SOX5: variants seen among roughly 807,000 people sequenced by gnomAD.
SOX5 encodes the protein SRY-box transcription factor 5.
SOX5 carries 9 observed loss-of-function variants against 92.0 expected under a neutral mutation model. The ratio of observed to expected loss-of-function variants is 0.10; its 90% CI spans 0.06 to 0.17. The LOEUF is 0.17. SOX5 is among the 10% of genes least tolerant of loss of function. The pLI, the probability that SOX5 is intolerant of heterozygous loss-of-function variation, is 1.00. For synonymous variants in SOX5, 344 were observed against 336.3 expected, an observed-to-expected ratio of 1.02 and a Z score of -0.25; for missense variants, 642 against 944.5, an observed-to-expected ratio of 0.68 and a Z score of 4.20.
chr12:24,074,455 T>G (rs889408865), intron 4 of SOX5, among the ~76,000 whole-genome samples: 1 of 151,908 alleles, frequency 6.6e-6, no homozygotes, highest in Non-Finnish European at 1.5e-5. Context: ...TTAAATATAG[T>G]TAAACATTGC....
intron 1 of SOX5, among the ~76,000 whole-genome samples, chr12:24,537,003 A>AT (rs1399054368): frequency 6.6e-6 from 1 of 152,162 alleles, no homozygotes; most frequent in African/African-American, 2.4e-5. Flanking sequence ...TTCCGTGTGC[A>AT]TTTTTACTCT....
chr12:23,943,730 G>A (rs186911903), intron 1 of SOX5, among the ~76,000 whole-genome samples: 10 of 152,182 alleles, frequency 6.6e-5, no homozygotes, highest in East Asian at 1.9e-4. Flanking sequence ...ACAATGAGCC[G>A]AGTTCAGGTT....
At chr12:23,709,636 T>C (rs1411735263) in intron 6 of SOX5, among the ~76,000 whole-genome samples, 1 of 152,192 alleles carries the variant, frequency 6.6e-6, no homozygotes, top group Non-Finnish European at 1.5e-5. Flanking sequence ...GGTTTTATTA[T>C]AGTAATAATT....
chr12:23,562,845 C>T (rs1946452899), intron 11 of SOX5, among the ~76,000 whole-genome samples: 1 of 152,154 alleles, frequency 6.6e-6, no homozygotes. Flanking sequence ...AGCTCAGGAT[C>T]CTAAATACTT....
intron 4 of SOX5, among the ~76,000 whole-genome samples, chr12:24,051,350 T>C (rs1274953862): frequency 6.6e-6 from 1 of 152,146 alleles, no homozygotes; most frequent in Non-Finnish European, 1.5e-5. Flanking sequence ...ACAATCGAGA[T>C]AGTCTAGTAC....
chr12:23,973,160 CTTTTTT>C (rs60609193), intron 4 of SOX5, among the ~76,000 whole-genome samples: 2 of 111,998 alleles, frequency 1.8e-5, no homozygotes, highest in South Asian at 5.6e-4. Flanking sequence ...TAACTTTTTT[CTTTTTT>C]TTTTTTTTTT....
intron 4 of SOX5, among the ~76,000 whole-genome samples, chr12:24,127,953 C>G (rs1949274233): frequency 6.6e-6 from 1 of 152,190 alleles, no homozygotes; most frequent in Non-Finnish European, 1.5e-5. Context: ...GGGCAGATAC[C>G]TAGCACAGCC....
intron 1 of SOX5, among the ~76,000 whole-genome samples, chr12:23,944,805 G>T (rs1463376301): frequency 2.0e-5 from 3 of 152,112 alleles, no homozygotes; most frequent in Admixed American, 6.6e-5. Flanking sequence ...GATATTTCAT[G>T]GTTGGGTTAA....
intron 9 of SOX5, among the ~76,000 whole-genome samples, chr12:23,599,450 T>G (rs752683): frequency 0.24 from 36,282 of 152,152 alleles, 5,322 homozygotes; most frequent in African/African-American, 0.4. Context: ...TTGCCATTGA[T>G]AGAAACACAA....
At chr12:24,251,465 G>A (rs944488333) in intron 3 of SOX5, among the ~76,000 whole-genome samples, 3 of 152,030 alleles carry the variant, frequency 2.0e-5, no homozygotes, top group African/African-American at 4.8e-5. Flanking sequence ...TTATTTCTTA[G>A]GGTCAGACAG....
chr12:23,755,603 G>T, intron 4 of SOX5, 35 bp downstream of exon 4: 1 of 1,434,506 alleles, frequency 7.0e-7, no homozygotes, highest in Non-Finnish European at 9.6e-7. Flanking sequence ...CTTCATTTTG[G>T]TACATTTTGG....
At chr12:23,682,721 A>G (rs10842212) in intron 6 of SOX5, among the ~76,000 whole-genome samples, 46,756 of 151,680 alleles carry the variant, frequency 0.31, 7,390 homozygotes, top group East Asian at 0.52. Flanking sequence ...CATTGAAATA[A>G]CAAAGAAAAG....
chr12:24,248,162 A>G (rs1939270552), intron 3 of SOX5, among the ~76,000 whole-genome samples: 1 of 152,218 alleles, frequency 6.6e-6, no homozygotes, highest in South Asian at 2.1e-4. Flanking sequence ...AAACAGCAAG[A>G]ACAGGATTTT....
At chr12:24,054,957 G>T (rs945900267) in intron 4 of SOX5, among the ~76,000 whole-genome samples, 1 of 152,092 alleles carries the variant, frequency 6.6e-6, no homozygotes, top group African/African-American at 2.4e-5. Context: ...AATGAGGAAT[G>T]GGAATGGGGG....
upstream of SOX5, among the ~76,000 whole-genome samples, chr12:23,949,891 C>G (rs894559244): frequency 1.3e-5 from 2 of 151,222 alleles, no homozygotes; most frequent in Non-Finnish European, 2.9e-5. Context: ...GGCTGCTCCC[C>G]CCTCCGCGGA....
intron 1 of SOX5, among the ~76,000 whole-genome samples, chr12:24,553,338 A>G (rs1157364056): frequency 6.6e-6 from 1 of 152,278 alleles, no homozygotes; most frequent in East Asian, 1.9e-4. Context: ...TATCCATCTG[A>G]TAGGAGGGCT....
rs112709460 is a variant in SOX5 at position 24,514,647 on chromosome 12, T to G, written c.-251+47682A>C. ...TATTCACAATAACAAAGACATGGAA[T>G]CAACCTAAATGCCCACCAGCGGTAG... On this transcript the variant is annotated intron_variant, in intron 1 of 4. Coordinates refer to the SOX5 transcript ENST00000446891. Among the ~76,000 whole-genome samples, 280 of 152,290 alleles carry G rather than the reference T, an allele frequency of 1.8e-3. 1 individual carries two copies. Among genetic ancestry groups the G allele is most frequent in the African/African-American group, 6.5e-3 (270 of 41,566 alleles).
At chr12:24,251,160 G>A (rs944418078) in intron 3 of SOX5, among the ~76,000 whole-genome samples, 1 of 152,122 alleles carries the variant, frequency 6.6e-6, no homozygotes, top group African/African-American at 2.4e-5. Context: ...TATAATTACT[G>A]TACTTCTACA....
At chr12:24,171,043 G>A (rs1297323663) in intron 4 of SOX5, among the ~76,000 whole-genome samples, 1 of 151,408 alleles carries the variant, frequency 6.6e-6, no homozygotes, top group Non-Finnish European at 1.5e-5. Context: ...AGGCTTGGTA[G>A]TTAAACTAGG....
Sources: gnomAD v4.1 joint callset for allele counts (sites outside exome capture counted in the v4.1 genomes callset) on GRCh38, gnomAD v4.1.1 for gene constraint, MANE v1.5 for transcripts, NCBI Gene and HGNC (gene_info 2026-07-23, HGNC 2026-07-21) for gene names.